The following DPF3 variants were observed in gnomAD, a reference collection of about 807,000 sequenced individuals.
DPF3 encodes double PHD fingers 3.
DPF3 carries 18 observed loss-of-function variants against 56.8 expected under a neutral mutation model. The ratio of observed to expected loss-of-function variants is 0.32; its 90% CI spans 0.22 to 0.47. The LOEUF (loss-of-function observed/expected upper bound fraction) is 0.47, where lower values mean the gene tolerates loss of function less well. Among genes scored for constraint, DPF3 ranks in the 20% least tolerant of loss-of-function variants. DPF3 has a pLI of 1.00. For synonymous variants in DPF3, 188 were observed against 180.2 expected (o/e 1.04, Z -0.35); for missense variants, 403 against 488.8 (o/e 0.82, Z 1.65).
chr14:72,660,065 T>C (rs936822253), intron 8 of DPF3, among the ~76,000 whole-genome samples: 1 of 152,064 alleles, frequency 6.6e-6, no homozygotes, highest in African/African-American at 2.4e-5. Flanking sequence ...GGGGAGTACG[T>C]GTTTAAATGG....
At chr14:72,678,538 G>A (rs951379912) in intron 7 of DPF3, among the ~76,000 whole-genome samples, 10 of 152,220 alleles carry the variant, frequency 6.6e-5, no homozygotes, top group African/African-American at 2.2e-4. Flanking sequence ...ATCATGGCTA[G>A]GTTGGCCTAT....
chr14:72,660,941 G>T, intron 8 of DPF3: 1 of 496,214 alleles, frequency 2.0e-6, no homozygotes, highest in Non-Finnish European at 2.6e-6. Context: ...TCTTGGCATG[G>T]AAGTGGGAAG....
chr14:72,693,082 G>A lies in DPF3; in HGVS notation c.736C>T (p.His246Tyr), dbSNP rs768706023. Residue 246 changes from histidine to tyrosine, a missense_variant, in exon 7 of 11, where the codon CAC (histidine) becomes TAC (tyrosine). Physicochemically the swap from His to Tyr is moderately conservative, Grantham distance 83 (BLOSUM62 2). Transcript: ENST00000556509. ...CTAACAAGTAGGCACTCACGCCTGT[G>A]GTTCTCATTTCTGTGGTTGGGTGGG... ...RSPPNHRNENHRPQKGPDGTV... is the reference protein window; with the variant it reads ...RSPPNHRNENYRPQKGPDGTV... 3.7e-6 allele frequency: 6 copies of A among 1,614,034 alleles called. No individual in the cohort carries two copies. The highest frequency in any genetic ancestry group is 5.1e-6 in the Non-Finnish European group (6 of 1,179,902).
chr14:72,850,238 G>C (rs1884921090), intron 1 of DPF3, among the ~76,000 whole-genome samples: 1 of 152,144 alleles, frequency 6.6e-6, no homozygotes, highest in South Asian at 2.1e-4. Flanking sequence ...GTGGCAAATG[G>C]CTTGGGTTGA....
chr14:72,756,001 T>C (rs1320301974), intron 2 of DPF3, among the ~76,000 whole-genome samples: 1 of 152,170 alleles, frequency 6.6e-6, no homozygotes, highest in Non-Finnish European at 1.5e-5. Context: ...TGTGCATATG[T>C]GTGCGTGCAT....
At chr14:72,892,067 A>G (rs975494065) in intron 1 of DPF3, 52 of 1,468,894 alleles carry the variant, frequency 3.5e-5, no homozygotes, top group Middle Eastern at 2.3e-4. Flanking sequence ...GGGGAACACA[A>G]GCTTAGAGAT....
intron 7 of DPF3, among the ~76,000 whole-genome samples, chr14:72,688,255 A>ATGGGTGGGTGGATGAGTGGGTGGGTGGG (rs1887512346): frequency 1.7e-5 from 1 of 57,460 alleles, no homozygotes; most frequent in Non-Finnish European, 3.3e-5. Context: ...GGATGGGTGG[A>ATGGGTGGGTGGATGAGTGGGTGGGTGGG]TGGGTGGGTG....
intron 1 of DPF3, among the ~76,000 whole-genome samples, chr14:72,779,932 G>C (rs1477315063): frequency 1.3e-5 from 2 of 152,226 alleles, no homozygotes; most frequent in African/African-American, 4.8e-5. Context: ...CAGGAGAGCA[G>C]GGCAGCTGAT....
At chr14:72,724,281 TCATGG>T (rs1889303096) in intron 4 of DPF3, among the ~76,000 whole-genome samples, 1 of 151,914 alleles carries the variant, frequency 6.6e-6, no homozygotes, top group Admixed American at 6.6e-5. Context: ...ACCCGACTTG[TCATGG>T]AGCTTAAAGA....
chr14:72,777,714 G>A (rs1336392228), intron 1 of DPF3, among the ~76,000 whole-genome samples: 1 of 152,070 alleles, frequency 6.6e-6, no homozygotes, highest in Non-Finnish European at 1.5e-5. Context: ...TCATTTAAAA[G>A]TGTATGGTGC....
At chr14:72,857,645 G>T (rs528213269) in intron 1 of DPF3, among the ~76,000 whole-genome samples, 20 of 152,190 alleles carry the variant, frequency 1.3e-4, no homozygotes, top group African/African-American at 4.3e-4. Flanking sequence ...GGAGTGCAGG[G>T]GCGCAATCTC....
chr14:72,650,627 G>A (rs552618613), intron 8 of DPF3, among the ~76,000 whole-genome samples: 35 of 152,170 alleles, frequency 2.3e-4, no homozygotes, highest in Non-Finnish European at 3.5e-4. Context: ...TGTGACCAGC[G>A]GCTCTCTGTA....
At chr14:72,747,266 C>T (rs777691797) in intron 3 of DPF3, among the ~76,000 whole-genome samples, 2 of 152,204 alleles carry the variant, frequency 1.3e-5, no homozygotes, top group South Asian at 2.1e-4. Flanking sequence ...GCATGCTCTT[C>T]GGACTCTGGT....
intron 8 of DPF3, among the ~76,000 whole-genome samples, chr14:72,672,202 C>T (rs1248002333): frequency 9.2e-5 from 14 of 152,148 alleles, no homozygotes; most frequent in Admixed American, 5.9e-4. Context: ...ATCAGAGCAT[C>T]CTGAAATTTG....
At chr14:72,660,473 A>T (rs1886174120) in intron 8 of DPF3, among the ~76,000 whole-genome samples, 1 of 152,162 alleles carries the variant, frequency 6.6e-6, no homozygotes, top group Non-Finnish European at 1.5e-5. Context: ...GACCTAGAGG[A>T]CCCCTCAGAT....
chr14:72,627,665 G>A (rs975341085), intron 9 of DPF3, among the ~76,000 whole-genome samples: 1 of 151,864 alleles, frequency 6.6e-6, no homozygotes, highest in Non-Finnish European at 1.5e-5. Flanking sequence ...CTTAAGTATC[G>A]ATTTGTCTAA....
At chr14:72,629,922 G>A (rs1365452552) in intron 8 of DPF3, among the ~76,000 whole-genome samples, 186 bp from the exon 9 acceptor site, 1 of 152,044 alleles carries the variant, frequency 6.6e-6, no homozygotes, top group East Asian at 1.9e-4. Flanking sequence ...TCAGATCAAG[G>A]GCAAAACAGA....
At chr14:72,893,127 G>T (rs1001731638) in intron 1 of DPF3, among the ~76,000 whole-genome samples, 3 of 152,162 alleles carry the variant, frequency 2.0e-5, no homozygotes, top group African/African-American at 7.2e-5. Context: ...CCAGGATCTG[G>T]GCAAGCGCTC....
At chr14:72,633,277 T>G (rs879313161) in intron 8 of DPF3, among the ~76,000 whole-genome samples, 3 of 152,042 alleles carry the variant, frequency 2.0e-5, no homozygotes, top group Admixed American at 6.5e-5. Context: ...GATAGTTGAA[T>G]GTATGGGTCG....
Sources: allele counts gnomAD v4.1 joint callset (sites outside exome capture counted in the v4.1 genomes callset), GRCh38; gene constraint gnomAD v4.1.1; transcripts MANE v1.5; gene names NCBI Gene and HGNC (gene_info 2026-07-23, HGNC 2026-07-21).